The following MYO5B variants were observed in gnomAD, a reference collection of about 807,000 sequenced individuals.
MYO5B encodes the protein unconventional myosin-Vb.
Under a neutral mutation model 229.3 loss-of-function variants are expected in MYO5B, and 143 were observed. The observed-to-expected ratio is 0.62, with a 90% CI of 0.54 to 0.72. MYO5B has a LOEUF of 0.72. MYO5B is among the 30% of genes least tolerant of loss of function. MYO5B has a pLI of 0.00. For synonymous variants in MYO5B, 918 were observed against 885.2 expected, an observed-to-expected ratio of 1.04 and a Z score of -0.66; for missense variants, 2,321 against 2,331.0, an observed-to-expected ratio of 1.00 and a Z score of 0.09.
chr18:50,173,485 G>T (rs2032948678), intron 1 of MYO5B, among the ~76,000 whole-genome samples: 1 of 152,152 alleles, frequency 6.6e-6, no homozygotes, highest in Non-Finnish European at 1.5e-5. Context: ...ACATTGATCT[G>T]GCTGCTGCAC....
chr18:50,155,025 G>C (rs993817045), intron 1 of MYO5B, among the ~76,000 whole-genome samples: 1 of 152,344 alleles, frequency 6.6e-6, no homozygotes, highest in African/African-American at 2.4e-5. Flanking sequence ...CATCTCAGTT[G>C]CAACTCTTCT....
chr18:50,040,048 G>A, intron 3 of MYO5B, 95 bp downstream of exon 3: 4 of 1,318,810 alleles, frequency 3.0e-6, no homozygotes, highest in Non-Finnish European at 4.4e-6. Context: ...ACAAATGAGA[G>A]AGTGAAATGA....
In MYO5B at chr18:50,045,586, G is replaced by A. The variant is rs370823227; in HGVS notation, c.139-5272C>T. 4.0e-4 allele frequency among the ~76,000 whole-genome samples: 61 copies of A among 152,256 alleles called. 1 individual carries two copies. In the East Asian group the frequency reaches 0.011, roughly 27 times the overall value. ...TTTTTGTATTTTTGGTAGAGACAGG[G>A]TTTCACCATGTTGCCCAGGCTGGCC... is the stretch of plus-strand genomic sequence containing the variant. On this transcript the variant is annotated intron_variant, in intron 2 of 39. Transcript: ENST00000285039.
At chr18:50,145,319 C>T (rs2032482516) in intron 1 of MYO5B, among the ~76,000 whole-genome samples, 1 of 151,764 alleles carries the variant, frequency 6.6e-6, no homozygotes, top group African/African-American at 2.4e-5. Context: ...AACCCCGTCT[C>T]TACTAAAAAC....
intron 1 of MYO5B, among the ~76,000 whole-genome samples, chr18:50,134,133 T>C (rs2032297686): frequency 2.0e-5 from 3 of 152,156 alleles, no homozygotes; most frequent in African/African-American, 7.2e-5. Context: ...AAGGAAAACA[T>C]CACCATATTG....
At chr18:49,839,062 G>A (rs992468375) in intron 36 of MYO5B, 82 bp downstream of exon 36, 15 of 1,571,208 alleles carry the variant, frequency 9.5e-6, no homozygotes, top group Middle Eastern at 4.5e-4. Context: ...TCTGGTTCCC[G>A]AAAGGCAGAG....
At chr18:49,832,046 G>A (rs1488020851) in intron 39 of MYO5B, among the ~76,000 whole-genome samples, 2 of 152,162 alleles carry the variant, frequency 1.3e-5, no homozygotes, top group Non-Finnish European at 2.9e-5. Flanking sequence ...AGCCTACCCA[G>A]GGTTGAAGGG....
intron 1 of MYO5B, among the ~76,000 whole-genome samples, chr18:50,100,826 T>C (rs2031640197): frequency 6.6e-6 from 1 of 152,210 alleles, no homozygotes; most frequent in Non-Finnish European, 1.5e-5. Context: ...GCAAGACCCC[T>C]AGATGCGGAA....
chr18:50,122,628 G>GGGGGAGAGAAAGAGAGGGAGGGAGGGAA, intron 1 of MYO5B, among the ~76,000 whole-genome samples: 1 of 2,556 alleles, frequency 3.9e-4, no homozygotes, highest in African/African-American at 8.0e-4. Context: ...GGGAGGGAAG[G>GGGGGAGAGAAAGAGAGGGAGGGAGGGAA]GGGGGGGAGA....
rs1050857656 is a variant in MYO5B at position 50,182,138 on chromosome 18, C to T, written c.27+12629G>A. Among the ~76,000 whole-genome samples, 6 of 152,260 alleles carry T rather than the reference C, an allele frequency of 3.9e-5. No individual in the cohort carries two copies. In the East Asian group the frequency reaches 5.8e-4, roughly 15 times the overall value. On this transcript the variant is annotated intron_variant, in intron 1 of 39. Coordinates refer to ENST00000285039, the MANE Select transcript of MYO5B (RefSeq NM_001080467.3). ...CAGTGCTCCAAACCTTTGTTGCCTGCGTGATGAATACGAAAGATGGTCTGA... is the reference window on the plus strand; with the variant it reads ...CAGTGCTCCAAACCTTTGTTGCCTGTGTGATGAATACGAAAGATGGTCTGA...
chr18:50,090,656 T>C (rs1434775320), intron 1 of MYO5B, among the ~76,000 whole-genome samples: 2 of 152,128 alleles, frequency 1.3e-5, no homozygotes, highest in African/African-American at 4.8e-5. Flanking sequence ...AAGCCAAGGT[T>C]TACAAAATGT....
rs571233770 is a variant in MYO5B at position 50,050,271 on chromosome 18, C to CT, written c.138+4996dup. On this transcript the variant is annotated intron_variant, in intron 2 of 39. Transcript: ENST00000285039. ...CTCCAGAAGGGTATCCTCAGACACTCTTAGCTCTCTGGTTTTGCCAGATGT... is the reference window on the plus strand; with the variant it reads ...CTCCAGAAGGGTATCCTCAGACACTCTTTAGCTCTCTGGTTTTGCCAGATGT... 9.2e-5 allele frequency among the ~76,000 whole-genome samples: 14 copies of CT among 152,310 alleles called. No individual in the cohort carries two copies. The East Asian group carries it at 2.7e-3, about 29-fold the overall frequency.
At chr18:49,938,781 T>G (rs185334233) in intron 14 of MYO5B, among the ~76,000 whole-genome samples, 1 of 152,330 alleles carries the variant, frequency 6.6e-6, no homozygotes, top group Non-Finnish European at 1.5e-5. Context: ...CTTTGCTTAC[T>G]GTGCTATTTT....
intron 1 of MYO5B, chr18:50,097,359 C>T: frequency 4.5e-6 from 2 of 443,640 alleles, no homozygotes; most frequent in Admixed American, 4.8e-5. Context: ...TCTTTTGATT[C>T]CCAGTCCAAG....
intron 1 of MYO5B, among the ~76,000 whole-genome samples, chr18:50,130,546 A>G (rs1393179081): frequency 6.6e-6 from 1 of 152,218 alleles, no homozygotes; most frequent in Non-Finnish European, 1.5e-5. Flanking sequence ...AAAAGGAGAC[A>G]AGAAGAATGA....
At chr18:49,992,569 T>C (rs2025945690) in intron 5 of MYO5B, 138 bp from the exon 6 acceptor site, 2 of 1,276,008 alleles carry the variant, frequency 1.6e-6, no homozygotes, top group African/African-American at 1.5e-5. Context: ...GACAATGAAC[T>C]GAGCTAAAGA....
chr18:50,001,637 G>A (rs1049007882), intron 4 of MYO5B, among the ~76,000 whole-genome samples: 4 of 152,182 alleles, frequency 2.6e-5, no homozygotes, highest in African/African-American at 9.7e-5. Flanking sequence ...TTTCATTTAT[G>A]GCCTAGAGCG....
rs774764917 is a variant in MYO5B, at chr18:49,953,324, C to G, written c.1688G>C (p.Gly563Ala). ...FADKVEYLSD[G>A]FLEKNRDTVY... is the part of the protein sequence containing the mutation. ...CGTGTCTCTGTTTTTCTCCAGAAAA[C>G]CATCAGAGAGGTACTCCACCTGGGG... The change falls in exon 14 of 40, where the codon GGT (glycine) becomes GCT (alanine). Residue 563 changes from glycine to alanine, a missense_variant. This residue lies in a region of MYO5B where 2,113 missense variants were observed against 2,044.7 expected (regional missense o/e 1.03). Transcript: ENST00000285039. 1.2e-6 allele frequency: 2 copies of G among 1,614,144 alleles called. No homozygotes were observed. Among genetic ancestry groups the G allele is most frequent in the Non-Finnish European group, 1.7e-6 (2 of 1,180,032 alleles).
At chr18:49,857,705 G>A (rs1056125801) in intron 29 of MYO5B, among the ~76,000 whole-genome samples, 2 of 152,188 alleles carry the variant, frequency 1.3e-5, no homozygotes, top group African/African-American at 4.8e-5. Context: ...CTTTTGCTGT[G>A]TCCAAGTCAC....
Sources: gnomAD v4.1 joint callset for allele counts (sites outside exome capture counted in the v4.1 genomes callset) on GRCh38, gnomAD v4.1.1 for gene constraint, gnomAD v4.1.1 regional missense constraint, MANE v1.5 for transcripts, NCBI Gene and HGNC (gene_info 2026-07-23, HGNC 2026-07-21) for gene names.